CACNA1D: variants seen among roughly 807,000 people sequenced by gnomAD.
CACNA1D encodes calcium voltage-gated channel subunit alpha1 D, also known as voltage-dependent L-type calcium channel subunit alpha-1D.
Under a neutral mutation model 257.1 loss-of-function variants are expected in CACNA1D, and 55 were observed. The observed-to-expected ratio is 0.21, with a 90% CI of 0.17 to 0.27. The LOEUF is 0.27. CACNA1D is among the 10% of genes least tolerant of loss of function. The pLI, the probability that CACNA1D is intolerant of heterozygous loss-of-function variation, is 1.00. For missense variants in CACNA1D, 1,876 were observed against 2,784.0 expected (o/e 0.67, Z 7.34); for synonymous variants, 980 against 1,014.9 (o/e 0.97, Z 0.65).
rs1299604000 is a variant in CACNA1D, at chr3:53,565,290, A to G, written c.483+63570A>G. On this transcript the variant is annotated intron_variant, in intron 3 of 47. Coordinates refer to ENST00000350061, the MANE Select transcript of CACNA1D (RefSeq NM_001128840.3). The stretch of plus-strand genomic sequence containing the variant: ...TCAGCAGATTCTTGGAAAGTTTCCT[A>G]CTCTTTAAAAGCAAGATTGCAGGAT... Among the ~76,000 whole-genome samples, 4 of 151,772 alleles carry G rather than the reference A, an allele frequency of 2.6e-5. No homozygotes were observed. The South Asian group carries it at 6.2e-4, about 24-fold the overall frequency.
intron 11 of CACNA1D, among the ~76,000 whole-genome samples, chr3:53,720,900 T>G (rs779493498): frequency 5.9e-5 from 9 of 152,244 alleles, no homozygotes; most frequent in Non-Finnish European, 1.2e-4. Flanking sequence ...ATCCCACTTC[T>G]AAGGTGTTTG....
chr3:53,767,895 G>T (rs746038579), intron 30 of CACNA1D, among the ~76,000 whole-genome samples: 3 of 152,194 alleles, frequency 2.0e-5, no homozygotes, highest in Non-Finnish European at 2.9e-5. Context: ...TGTCGCAGGC[G>T]CACTGAGGGT....
Position 53,692,151 on chromosome 3 carries a change from G to A in CACNA1D, c.1221-10490G>A, listed in dbSNP as rs1253464126. ...TTTTATCGAGCAACTACTAATGGCCGGGGTTTGTGATAAGGAACCAGTATA... is the reference window on the plus strand; with the variant it reads ...TTTTATCGAGCAACTACTAATGGCCAGGGTTTGTGATAAGGAACCAGTATA... On this transcript the variant is annotated intron_variant, in intron 8 of 47. Transcript: ENST00000350061. Among the ~76,000 whole-genome samples, 3 of 151,190 alleles carry A rather than the reference G, an allele frequency of 2.0e-5. No homozygotes were observed. The South Asian group carries it at 6.3e-4, about 31-fold the overall frequency.
intron 9 of CACNA1D, among the ~76,000 whole-genome samples, chr3:53,706,788 G>A (rs1046253878): frequency 6.6e-6 from 1 of 151,996 alleles, no homozygotes; most frequent in Non-Finnish European, 1.5e-5. Flanking sequence ...CCACCCTTCT[G>A]TGTCTCCAAT....
intron 14 of CACNA1D, among the ~76,000 whole-genome samples, chr3:53,724,483 C>T (rs2094912245): frequency 6.6e-6 from 1 of 152,180 alleles, no homozygotes; most frequent in African/African-American, 2.4e-5. Context: ...CTTCTGTCCT[C>T]CTCCTGGGAT....
chr3:53,666,715 T>G lies in CACNA1D; in HGVS notation c.1116+180T>G, dbSNP rs58236730. Among the ~76,000 whole-genome samples, 3,022 of 152,258 alleles carry G rather than the reference T, an allele frequency of 0.02. 102 individuals carry two copies. The highest frequency in any genetic ancestry group is 0.069 in the African/African-American group (2,846 of 41,540). The stretch of plus-strand genomic sequence containing the variant: ...ATCCTGCTCCTCGAGGGCCTTAGTT[T>G]CAGTTGCAGGAAGCTGCTGCGCGAT... On this transcript the variant is annotated intron_variant, in intron 7 of 47. Coordinates refer to ENST00000350061, the MANE Select transcript of CACNA1D (RefSeq NM_001128840.3).
chr3:53,756,871 A>G (rs1260029861), intron 29 of CACNA1D, among the ~76,000 whole-genome samples: 1 of 152,196 alleles, frequency 6.6e-6, no homozygotes, highest in Non-Finnish European at 1.5e-5. Flanking sequence ...GCTGCATTCT[A>G]GGCCATGTTG....
intron 3 of CACNA1D, among the ~76,000 whole-genome samples, chr3:53,513,704 C>T (rs1274696178): frequency 2.6e-5 from 4 of 152,306 alleles, no homozygotes; most frequent in South Asian, 2.1e-4. Flanking sequence ...TGTAGGCTTT[C>T]ACATTCACTC....
rs377132134 is a variant in CACNA1D, at chr3:53,713,543, T to TGTGTGTGTGTGTGTGA, written c.1391-4757_1391-4756insTGTGTGTGTGTGTGAG. ...GTGTGTGTGTGTGTGTGTGTGTGTGTGAGAGATTTGCCTCCAAATTCACAA... is the reference window on the plus strand; with the variant it reads ...GTGTGTGTGTGTGTGTGTGTGTGTGTGTGTGTGTGTGTGTGAGAGAGATTTGCCTCCAAATTCACAA... On this transcript the variant is annotated intron_variant, in intron 9 of 47. Coordinates refer to ENST00000350061, the MANE Select transcript of CACNA1D (RefSeq NM_001128840.3). 3.8e-3 allele frequency among the ~76,000 whole-genome samples: 459 copies of TGTGTGTGTGTGTGTGA among 120,966 alleles called. 5 individuals carry two copies. The highest frequency in any genetic ancestry group is 0.013 in the African/African-American group (432 of 33,000). The allele number at this position is 120,966 out of a possible 152,430, so 79.4% of individuals were successfully genotyped here. A position where few individuals can be genotyped will look rare whatever the true frequency, so the allele number is the denominator to read the frequency against.
intron 29 of CACNA1D, among the ~76,000 whole-genome samples, 183 bp from the exon 30 acceptor site, chr3:53,761,815 G>T (rs2095304456): frequency 6.6e-6 from 1 of 152,126 alleles, no homozygotes; most frequent in South Asian, 2.1e-4. Flanking sequence ...CACACATAAA[G>T]GTGCACAACC....
chr3:53,550,248 A>G (rs928226040), intron 3 of CACNA1D, among the ~76,000 whole-genome samples: 4 of 152,164 alleles, frequency 2.6e-5, no homozygotes, highest in African/African-American at 2.4e-5. Context: ...GAGCTGAACC[A>G]GTGAGATACA....
chr3:53,690,609 C>A (rs2094510854), intron 8 of CACNA1D, among the ~76,000 whole-genome samples: 1 of 152,204 alleles, frequency 6.6e-6, no homozygotes, highest in Non-Finnish European at 1.5e-5. Flanking sequence ...GGGATCTTCT[C>A]TATCCCTCTC....
In CACNA1D at chr3:53,751,618, A is replaced by T. The variant is rs1435453495; in HGVS notation, c.3517-131A>T. 1.1e-6 allele frequency: 1 copy of T among 925,630 alleles called. No homozygotes were observed. The highest frequency in any genetic ancestry group is 1.6e-5 in the African/African-American group (1 of 61,712). The allele number at this position is 925,630 out of a possible 1,614,324, so 57.3% of individuals were successfully genotyped here. On this transcript the variant is annotated intron_variant, in intron 27 of 47. Coordinates refer to ENST00000350061, the MANE Select transcript of CACNA1D (RefSeq NM_001128840.3). This position sits in a 1 kb window ranked among gnomAD's most constrained non-coding sequence, Gnocchi z 4.3. Reference sequence around the variant, plus strand: ...AGCAGCAGGAAGGGGGTCACTCGTAATCATTTTCACCATCGTCCACGGCCC... The same window carrying T: ...AGCAGCAGGAAGGGGGTCACTCGTATTCATTTTCACCATCGTCCACGGCCC...
chr3:53,725,842 CTCTG>C (rs879491779), intron 14 of CACNA1D, among the ~76,000 whole-genome samples: 1 of 152,148 alleles, frequency 6.6e-6, no homozygotes, highest in Non-Finnish European at 1.5e-5. Context: ...GATAAAGGAG[CTCTG>C]TCTGTCGTCG....
chr3:53,605,772 A>G (rs1268833750), intron 3 of CACNA1D, among the ~76,000 whole-genome samples: 1 of 152,228 alleles, frequency 6.6e-6, no homozygotes, highest in Non-Finnish European at 1.5e-5. Flanking sequence ...TTCCAGAGAT[A>G]AGAACACTTA....
chr3:53,586,476 G>A (rs1322554659), intron 3 of CACNA1D, among the ~76,000 whole-genome samples: 2 of 151,756 alleles, frequency 1.3e-5, no homozygotes, highest in East Asian at 3.9e-4. Flanking sequence ...TGTCTGCAGT[G>A]ATAAGAGCAG....
At chr3:53,739,295 C>T (rs946457224) in intron 20 of CACNA1D, among the ~76,000 whole-genome samples, 4 of 152,234 alleles carry the variant, frequency 2.6e-5, no homozygotes, top group African/African-American at 9.6e-5. Flanking sequence ...CTCCACAGTC[C>T]CTTCTAGCTC....
intron 8 of CACNA1D, among the ~76,000 whole-genome samples, chr3:53,678,412 A>G (rs1413728640): frequency 6.6e-6 from 1 of 152,216 alleles, no homozygotes; most frequent in Admixed American, 6.5e-5. Context: ...AATCATACCA[A>G]TTAATTTGTA....
intron 10 of CACNA1D, 29 bp from the exon 11 acceptor site, chr3:53,719,726 A>G: frequency 6.2e-7 from 1 of 1,610,638 alleles, no homozygotes; most frequent in African/African-American, 1.3e-5. Context: ...TCGGAACCAG[A>G]ATCTTAACAC....
Sources: gnomAD v4.1 joint callset for allele counts (sites outside exome capture counted in the v4.1 genomes callset) on GRCh38, gnomAD v4.1.1 for gene constraint, Gnocchi (gnomAD v3.1) non-coding constraint, MANE v1.5 for transcripts, NCBI Gene and HGNC (gene_info 2026-07-23, HGNC 2026-07-21) for gene names.